The following PLD5 variants were observed in gnomAD, a reference collection of about 807,000 sequenced individuals.
PLD5 encodes inactive phospholipase D5.
A neutral mutation model predicts 61.1 loss-of-function variants in PLD5; 36 were observed. That is an observed-to-expected ratio of 0.59 (90% CI 0.45 to 0.78). PLD5 has a LOEUF of 0.78. Ranked by LOEUF, PLD5 falls within the 30% of genes least tolerant of loss-of-function variation. PLD5 has a pLI of 0.00. For missense variants in PLD5, 515 were observed against 644.4 expected, an observed-to-expected ratio of 0.80 and a Z score of 2.17; for synonymous variants, 243 against 242.8, an observed-to-expected ratio of 1.00 and a Z score of -0.01.
At chr1:242,297,328 A>G in intron 2 of PLD5, among the ~76,000 whole-genome samples, 1 of 120,240 alleles carries the variant, frequency 8.3e-6, no homozygotes, top group African/African-American at 3.2e-5. Flanking sequence ...CGGGTGACAG[A>G]GTGAGACTCC....
intron 1 of PLD5, among the ~76,000 whole-genome samples, chr1:242,441,536 A>G (rs1666275729): frequency 1.3e-5 from 2 of 152,240 alleles, no homozygotes; most frequent in Admixed American, 6.5e-5. Flanking sequence ...TTCCTCAGTT[A>G]TAAGTCAGAT....
chr1:242,526,508 T>C (rs905771117), upstream of PLD5, among the ~76,000 whole-genome samples: 1 of 152,222 alleles, frequency 6.6e-6, no homozygotes, highest in Non-Finnish European at 1.5e-5. Context: ...CCATCTCGGC[T>C]CGCTGCAACC....
chr1:242,194,618 GTATCTATCTATCTATCTATCTATC>G (rs547535096), intron 5 of PLD5, among the ~76,000 whole-genome samples: 1 of 102,946 alleles, frequency 9.7e-6, no homozygotes, highest in African/African-American at 3.9e-5. Context: ...ATCTATCTAT[GTATCTATCTATCTATCTATCTATC>G]TATCTATCTA....
In PLD5 at chr1:242,500,147, G is replaced by A. The variant is rs1668508455; in HGVS notation, c.189+23941C>T. Among the ~76,000 whole-genome samples the A allele has an allele frequency of 2.0e-5, 3 of 152,130 alleles. No individual in the cohort carries two copies. The South Asian group carries it at 6.2e-4, about 32-fold the overall frequency. The stretch of plus-strand genomic sequence containing the variant: ...GTGTAGCTTTTGTCATAGTACATTG[G>A]TCAAAGCAGTCATAGGGCCAGCCAG... On this transcript the variant is annotated intron_variant, in intron 1 of 9. Coordinates refer to ENST00000536534, the MANE Select transcript of PLD5 (RefSeq NM_001372062.1).
intron 5 of PLD5, among the ~76,000 whole-genome samples, chr1:242,149,064 T>G (rs1157272194): frequency 6.6e-6 from 1 of 151,962 alleles, no homozygotes; most frequent in Non-Finnish European, 1.5e-5. Context: ...ATAGGATTAG[T>G]GAGAACGTTG....
rs192164516 is a variant in PLD5, at chr1:242,407,244, G to A, written c.190-59002C>T. Among the ~76,000 whole-genome samples the A allele has an allele frequency of 2.1e-4, 32 of 151,028 alleles. 1 individual carries two copies. In the South Asian group the frequency reaches 5.1e-3, roughly 24 times the overall value. ...TTGCTCCTCCTTCATTTTCCGTCAC[G>A]ATGGTGAGGCCTCCCCTCAGTTCAC... On this transcript the variant is annotated intron_variant, in intron 1 of 9. Coordinates refer to ENST00000536534, the MANE Select transcript of PLD5 (RefSeq NM_001372062.1).
intron 5 of PLD5, among the ~76,000 whole-genome samples, chr1:242,181,335 A>C (rs1006860008): frequency 1.3e-5 from 2 of 152,228 alleles, no homozygotes; most frequent in Admixed American, 6.5e-5. Flanking sequence ...TTGAACACTT[A>C]AAATGTGGCT....
chr1:242,377,499 A>G, intron 1 of PLD5: 1 of 642,666 alleles, frequency 1.6e-6, no homozygotes, highest in South Asian at 2.0e-5. Context: ...GCTTCTTCCA[A>G]CAAAAGCCTC....
intron 4 of PLD5, among the ~76,000 whole-genome samples, chr1:242,237,956 C>T (rs997718126): frequency 9.2e-5 from 14 of 152,202 alleles, no homozygotes; most frequent in South Asian, 2.1e-4. Flanking sequence ...ACACATTCTC[C>T]GATGTGTCTG....
At position 242,477,510 on chromosome 1, in the gene PLD5, C is replaced by T. The variant is rs771119174; in HGVS notation, c.189+46578G>A. Among the ~76,000 whole-genome samples the T allele has an allele frequency of 5.9e-5, 9 of 152,164 alleles. No homozygotes were observed. The South Asian group carries it at 6.2e-4, about 11-fold the overall frequency. On this transcript the variant is annotated intron_variant, in intron 1 of 9. Transcript: ENST00000536534. Reference sequence around the variant, plus strand: ...GATAACTTTGGGGAAGCACATTATGCGCCAATGTTGGTAGTGCACTGAGCT... The same window carrying T: ...GATAACTTTGGGGAAGCACATTATGTGCCAATGTTGGTAGTGCACTGAGCT...
At chr1:242,479,426 A>T (rs1029792832) in intron 1 of PLD5, among the ~76,000 whole-genome samples, 3 of 152,226 alleles carry the variant, frequency 2.0e-5, no homozygotes, top group Non-Finnish European at 4.4e-5. Flanking sequence ...AGTAGAACTT[A>T]CAGGACCGTT....
chr1:242,289,969 A>G (rs1454699624), intron 2 of PLD5, among the ~76,000 whole-genome samples: 2 of 150,088 alleles, frequency 1.3e-5, no homozygotes, highest in African/African-American at 4.9e-5. Context: ...GGCTCAGATA[A>G]ATTTGCAGTT....
Position 242,257,759 on chromosome 1 carries a change from A to G in PLD5, c.607+7578T>C, listed in dbSNP as rs535772187. Among the ~76,000 whole-genome samples the G allele has an allele frequency of 2.0e-5, 3 of 152,340 alleles. No homozygotes were observed. The South Asian group carries it at 6.2e-4, about 32-fold the overall frequency. ...ATATATGTGACTTACTTTTCAGATA[A>G]AATCAATTTAAAAGATTTATTTTTT... On this transcript the variant is annotated intron_variant, in intron 4 of 9. Transcript: ENST00000536534.
intron 4 of PLD5, among the ~76,000 whole-genome samples, chr1:242,222,143 C>G (rs10926660): frequency 0.3 from 46,070 of 151,900 alleles, 7,281 homozygotes; most frequent in East Asian, 0.53. Flanking sequence ...CCTCTATTTT[C>G]TCTTCTTATC....
chr1:242,300,266 CT>C (rs1675948772), intron 2 of PLD5, among the ~76,000 whole-genome samples: 1 of 152,110 alleles, frequency 6.6e-6, no homozygotes, highest in African/African-American at 2.4e-5. Context: ...TGGTGAAACC[CT>C]GTCTCTACTG....
At chr1:242,395,043 G>GAATATATATGTA (rs879927435) in intron 1 of PLD5, among the ~76,000 whole-genome samples, 1 of 67,464 alleles carries the variant, frequency 1.5e-5, no homozygotes, top group African/African-American at 7.3e-5. Context: ...GAATGTATAT[G>GAATATATATGTA]TATATATGAA....
intron 1 of PLD5, among the ~76,000 whole-genome samples, chr1:242,490,917 T>A (rs1359702118): frequency 6.6e-6 from 1 of 152,200 alleles, no homozygotes; most frequent in Non-Finnish European, 1.5e-5. Context: ...GCTTCCTCTT[T>A]GTAAAGCACA....
chr1:242,144,513 G>A (rs1287959904), intron 5 of PLD5, among the ~76,000 whole-genome samples: 2 of 152,204 alleles, frequency 1.3e-5, no homozygotes, highest in African/African-American at 2.4e-5. Context: ...TAGGTGCGTG[G>A]CTCATGCCTG....
intron 2 of PLD5, among the ~76,000 whole-genome samples, chr1:242,315,803 G>T (rs1440542153): frequency 2.0e-5 from 3 of 152,156 alleles, no homozygotes; most frequent in African/African-American, 7.2e-5. Flanking sequence ...TTCTGGTTGG[G>T]TTATGATGGC....
Sources: gnomAD v4.1 joint callset for allele counts (sites outside exome capture counted in the v4.1 genomes callset) on GRCh38, gnomAD v4.1.1 for gene constraint, MANE v1.5 for transcripts, NCBI Gene and HGNC (gene_info 2026-07-23, HGNC 2026-07-21) for gene names.